The following FHAD1 variants were observed in gnomAD, a reference collection of about 807,000 sequenced individuals.
FHAD1 encodes forkhead-associated domain-containing protein 1.
In FHAD1, 146 loss-of-function variants were observed where a neutral mutation model predicts 191.3. That is an observed-to-expected ratio of 0.76 (90% CI 0.67 to 0.88). The LOEUF (loss-of-function observed/expected upper bound fraction) is 0.88, where lower values mean the gene tolerates loss of function less well. FHAD1 is among the 40% of genes least tolerant of loss of function. The pLI, the probability that FHAD1 is intolerant of heterozygous loss-of-function variation, is 0.00. For synonymous variants in FHAD1, 616 were observed against 672.3 expected (o/e 0.92, Z 1.29); for missense variants, 1,635 against 1,785.8 (o/e 0.92, Z 1.52).
intron 28 of FHAD1, among the ~76,000 whole-genome samples, chr1:15,376,959 T>C (rs529249399): frequency 2.0e-5 from 3 of 152,184 alleles, no homozygotes; most frequent in African/African-American, 7.2e-5. Flanking sequence ...GAAGATCACT[T>C]GAGCTCAGGA....
intron 10 of FHAD1, among the ~76,000 whole-genome samples, chr1:15,319,042 C>T (rs1361673576): frequency 1.3e-5 from 2 of 151,794 alleles, no homozygotes; most frequent in Non-Finnish European, 2.9e-5. Context: ...GTTGCCCAGG[C>T]TGGTCTTGAA....
intron 28 of FHAD1, among the ~76,000 whole-genome samples, chr1:15,379,609 G>A (rs191118928): frequency 4.6e-5 from 7 of 152,294 alleles, no homozygotes; most frequent in African/African-American, 1.4e-4. Context: ...CCCTTCCCAC[G>A]AGGCCATATT....
intron 25 of FHAD1, among the ~76,000 whole-genome samples, chr1:15,368,939 A>G (rs1010241150): frequency 1.3e-4 from 19 of 151,724 alleles, no homozygotes; most frequent in Non-Finnish European, 2.2e-4. Flanking sequence ...ACAAAACTCC[A>G]TCTAAAAAAA....
At chr1:15,349,306 C>T (rs2102426086) in intron 19 of FHAD1, among the ~76,000 whole-genome samples, 157 bp downstream of exon 19, 1 of 152,276 alleles carries the variant, frequency 6.6e-6, no homozygotes, top group African/African-American at 2.4e-5. Flanking sequence ...GGCAGATCGC[C>T]ACCTCCCCAT....
chr1:15,391,305 G>A lies in FHAD1; in HGVS notation c.4323+42G>A, dbSNP rs767573669. The A allele has an allele frequency of 4.0e-5, 45 of 1,112,820 alleles. No homozygotes were observed. The South Asian group carries it at 5.9e-4, about 15-fold the overall frequency. 68.9% of individuals were successfully genotyped at this position (1,112,820 alleles called of 1,614,324 possible). A position where few individuals can be genotyped will look rare whatever the true frequency, so the allele number is the denominator to read the frequency against. ...TCCTTTAGAATTCTCTTTTTTTGTT[G>A]TTTTGTTTTGTTTTGTTTTGTTTTG... is the stretch of plus-strand genomic sequence containing the variant. On this transcript the variant is annotated intron_variant, in intron 33 of 33. Transcript: ENST00000688493.
chr1:15,258,600 A>G (rs1398548763), intron 2 of FHAD1, among the ~76,000 whole-genome samples: 1 of 146,280 alleles, frequency 6.8e-6, no homozygotes, highest in Admixed American at 6.8e-5. Flanking sequence ...TTTTTTTTTA[A>G]TGGAGTCAGA....
At chr1:15,357,625 C>CAAA (rs71000395) in intron 20 of FHAD1, among the ~76,000 whole-genome samples, 3 of 76,088 alleles carry the variant, frequency 3.9e-5, no homozygotes, top group South Asian at 5.0e-4. Flanking sequence ...TCCTCCGTCT[C>CAAA]AAAAAAAAAA....
At chr1:15,349,766 G>A (rs1004615800) in intron 19 of FHAD1, among the ~76,000 whole-genome samples, 6 of 152,202 alleles carry the variant, frequency 3.9e-5, no homozygotes. Context: ...TGGACGAGAA[G>A]ATGGGCACCC....
At position 15,276,512 on chromosome 1, in the gene FHAD1, G is replaced by C. The variant is rs1243098670; in HGVS notation, c.300+3983G>C. On this transcript the variant is annotated intron_variant, in intron 3 of 33. Coordinates refer to ENST00000688493, the MANE Select transcript of FHAD1 (RefSeq NM_001391957.1). The surrounding 1 kb of genome is among the most constrained non-coding windows in gnomAD (Gnocchi z 4.7). Reference sequence around the variant, plus strand: ...ATCATAGCTTTTTTGCCAAAGTATAGCCTAGGGGCCGGGCGTGGTGACTCA... The same window carrying C: ...ATCATAGCTTTTTTGCCAAAGTATACCCTAGGGGCCGGGCGTGGTGACTCA... Among the ~76,000 whole-genome samples the C allele has an allele frequency of 2.0e-5, 3 of 152,172 alleles. No homozygotes were observed. The highest frequency in any genetic ancestry group is 7.2e-5 in the African/African-American group (3 of 41,446).
chr1:15,289,897 T>C lies in FHAD1; in HGVS notation c.568+231T>C, dbSNP rs1663946257. Among the ~76,000 whole-genome samples, 1 of 152,222 alleles carries C rather than the reference T, an allele frequency of 6.6e-6. No homozygotes were observed. Among genetic ancestry groups the C allele is most frequent in the Non-Finnish European group, 1.5e-5 (1 of 68,042 alleles). ...CTGCGTATCCCTCCAGCCTCTGTGC[T>C]GTGTCCGTATACACACACCAGGGCA... On this transcript the variant is annotated intron_variant, in intron 4 of 33. Transcript: ENST00000688493. The surrounding 1 kb of genome is among the most constrained non-coding windows in gnomAD (Gnocchi z 4.2).
intron 5 of FHAD1, among the ~76,000 whole-genome samples, chr1:15,299,046 A>C (rs12075521): frequency 0.049 from 7,372 of 151,050 alleles, 522 homozygotes; most frequent in African/African-American, 0.15. Context: ...ACAACAACAA[A>C]AAAACGAGCC....
At chr1:15,305,710 A>G (rs1411182299) in intron 6 of FHAD1, 2 of 435,160 alleles carry the variant, frequency 4.6e-6, no homozygotes, top group Non-Finnish European at 9.1e-6. Context: ...TGATGGTTTT[A>G]TCAGGGGTTT....
At chr1:15,308,471 C>T (rs943897726) in intron 6 of FHAD1, 142 bp from the exon 7 acceptor site, 1 of 1,124,472 alleles carries the variant, frequency 8.9e-7, no homozygotes, top group African/African-American at 1.6e-5. Context: ...GTCCCTTCCA[C>T]TGGTTAAAAC....
intron 32 of FHAD1, among the ~76,000 whole-genome samples, chr1:15,389,590 A>G (rs969348967): frequency 6.6e-6 from 1 of 150,822 alleles, no homozygotes; most frequent in African/African-American, 2.5e-5. Context: ...TAGTGGCTGC[A>G]GGCTCCAGGC....
At chr1:15,317,984 C>T in intron 10 of FHAD1, 56 bp downstream of exon 10, 1 of 1,129,884 alleles carries the variant, frequency 8.9e-7, no homozygotes, top group Non-Finnish European at 1.3e-6. Flanking sequence ...CCCCACTCAT[C>T]ATCCCTGTTA....
chr1:15,363,695 G>A (rs1351760336), intron 23 of FHAD1: 2 of 454,782 alleles, frequency 4.4e-6, no homozygotes, highest in Non-Finnish European at 8.8e-6. Flanking sequence ...GGTCGGCTAA[G>A]TGACCTTAAA....
chr1:15,387,109 G>A (rs966052783), intron 31 of FHAD1, among the ~76,000 whole-genome samples: 3 of 152,028 alleles, frequency 2.0e-5, no homozygotes, highest in Non-Finnish European at 2.9e-5. Flanking sequence ...GGCTGATCTG[G>A]AACTCCTGGG....
At chr1:15,398,749 G>A (rs185186227), downstream of FHAD1, among the ~76,000 whole-genome samples, 33 of 149,010 alleles carry the variant, frequency 2.2e-4, no homozygotes, top group African/African-American at 6.9e-4. Flanking sequence ...CCATCTATCC[G>A]TGCCCTCACT....
intron 21 of FHAD1, 69 bp from the exon 22 acceptor site, chr1:15,360,409 A>G: frequency 7.3e-7 from 1 of 1,374,506 alleles, no homozygotes; most frequent in Non-Finnish European, 1.0e-6. Context: ...GTGTGTGCCC[A>G]GGGGGCATAT....
Sources: gnomAD v4.1 joint callset for allele counts (sites outside exome capture counted in the v4.1 genomes callset) on GRCh38, gnomAD v4.1.1 for gene constraint, Gnocchi (gnomAD v3.1) non-coding constraint, MANE v1.5 for transcripts, NCBI Gene and HGNC (gene_info 2026-07-23, HGNC 2026-07-21) for gene names.